The following CFDP1 variants were observed in gnomAD, a reference collection of about 807,000 sequenced individuals.
The protein encoded by CFDP1 is heterochromatin-stabilizing protein CFDP1.
In CFDP1, 31 loss-of-function variants were observed where a neutral mutation model predicts 40.1. That is an observed-to-expected ratio of 0.77 (90% CI 0.58 to 1.04). CFDP1 has a LOEUF of 1.04. Ranked by LOEUF, CFDP1 falls within the 50% of genes least tolerant of loss-of-function variation. The probability of loss-of-function intolerance (pLI) is 0.00; values close to 1 mark genes in which losing one functional copy is unlikely to be tolerated. For synonymous variants in CFDP1, 167 were observed against 120.0 expected, an observed-to-expected ratio of 1.39 and a Z score of -2.56; for missense variants, 423 against 343.4, an observed-to-expected ratio of 1.23 and a Z score of -1.83.
intron 1 of CFDP1, among the ~76,000 whole-genome samples, chr16:75,424,777 G>A (rs765638923): frequency 1.3e-5 from 2 of 149,802 alleles, no homozygotes; most frequent in African/African-American, 4.9e-5. Flanking sequence ...AAAAAAGATT[G>A]GGAAAAAGGC....
At chr16:75,327,762 C>G (rs189423803) in intron 5 of CFDP1, among the ~76,000 whole-genome samples, 173 of 152,260 alleles carry the variant, frequency 1.1e-3, no homozygotes, top group African/African-American at 3.8e-3. Flanking sequence ...TGACTCTTGT[C>G]GCCCAGGCTG....
intron 5 of CFDP1, chr16:75,306,682 C>T (rs1426692973): frequency 6.6e-6 from 1 of 152,160 alleles, no homozygotes; most frequent in Non-Finnish European, 1.5e-5. Flanking sequence ...GAAGATCTCT[C>T]CCAACTCTCA....
At chr16:75,394,008 T>C (rs776361389) in intron 5 of CFDP1, among the ~76,000 whole-genome samples, 17 of 151,880 alleles carry the variant, frequency 1.1e-4, no homozygotes, top group Non-Finnish European at 1.9e-4. Context: ...TGAGCCGAGA[T>C]TGCGCCACTG....
At position 75,376,938 on chromosome 16, in the gene CFDP1, A is replaced by C. The variant is rs1331151250; in HGVS notation, c.650+18152T>G. 4.6e-5 allele frequency among the ~76,000 whole-genome samples: 7 copies of C among 152,362 alleles called. No individual in the cohort carries two copies. In the East Asian group the frequency reaches 1.3e-3, roughly 29 times the overall value. ...TGCATGTAATTAAAAGTAGATATAAATATGACTGCAGAACTGCCCTGAGCT... is the reference window on the plus strand; with the variant it reads ...TGCATGTAATTAAAAGTAGATATAACTATGACTGCAGAACTGCCCTGAGCT... On this transcript the variant is annotated intron_variant, in intron 5 of 6. Coordinates refer to ENST00000283882, the MANE Select transcript of CFDP1 (RefSeq NM_006324.3).
intron 1 of CFDP1, among the ~76,000 whole-genome samples, chr16:75,429,076 C>A (rs2079377720): frequency 6.6e-6 from 1 of 151,322 alleles, no homozygotes; most frequent in Non-Finnish European, 1.5e-5. Context: ...TAGATGCCAC[C>A]ACTGCACTCT....
chr16:75,382,389 C>T (rs1040152543), intron 5 of CFDP1, among the ~76,000 whole-genome samples: 1 of 152,186 alleles, frequency 6.6e-6, no homozygotes, highest in Admixed American at 6.5e-5. Flanking sequence ...AAAATATATT[C>T]TATAAAGACA....
At chr16:75,410,713 C>T (rs2151583611) in intron 4 of CFDP1, among the ~76,000 whole-genome samples, 1 of 151,038 alleles carries the variant, frequency 6.6e-6, no homozygotes, top group South Asian at 2.1e-4. Context: ...TCGAGACCAT[C>T]CCGGCTAACA....
intron 1 of CFDP1, among the ~76,000 whole-genome samples, chr16:75,418,743 A>T (rs1300766444): frequency 2.0e-5 from 3 of 152,078 alleles, no homozygotes; most frequent in Non-Finnish European, 4.4e-5. Context: ...AAAAAAAAAA[A>T]AAAAAAAACT....
intron 6 of CFDP1, among the ~76,000 whole-genome samples, chr16:75,295,582 T>G (rs11641532): frequency 6.6e-6 from 1 of 152,138 alleles, no homozygotes; most frequent in East Asian, 1.9e-4. Flanking sequence ...TCTGGACTTA[T>G]GGTTTCAGCA....
chr16:75,393,547 A>C (rs963009537), intron 5 of CFDP1, among the ~76,000 whole-genome samples: 27 of 145,192 alleles, frequency 1.9e-4, no homozygotes, highest in East Asian at 1.3e-3. Context: ...CTGGCTAACA[A>C]GGTGAAACCC....
At chr16:75,411,487 G>A (rs1481995531) in intron 4 of CFDP1, among the ~76,000 whole-genome samples, 1 of 152,160 alleles carries the variant, frequency 6.6e-6, no homozygotes, top group African/African-American at 2.4e-5. Context: ...AGACTTCAAT[G>A]GGGCTCATAT....
At chr16:75,316,173 G>C (rs1379826482) in intron 5 of CFDP1, among the ~76,000 whole-genome samples, 1 of 152,174 alleles carries the variant, frequency 6.6e-6, no homozygotes. Flanking sequence ...CTAGTGTCAG[G>C]TCAGCCCATC....
chr16:75,393,870 T>C (rs1008020620), intron 5 of CFDP1, among the ~76,000 whole-genome samples: 2 of 150,836 alleles, frequency 1.3e-5, no homozygotes. Context: ...CCATCCTGGC[T>C]AACACAGTGA....
chr16:75,322,450 T>C (rs1181570061), intron 5 of CFDP1, among the ~76,000 whole-genome samples: 2 of 152,204 alleles, frequency 1.3e-5, no homozygotes, highest in African/African-American at 2.4e-5. Context: ...CTAGATAGTA[T>C]AGCCTACTAC....
chr16:75,404,878 G>A (rs1181416403), intron 4 of CFDP1, among the ~76,000 whole-genome samples: 3 of 152,184 alleles, frequency 2.0e-5, no homozygotes, highest in African/African-American at 7.2e-5. Context: ...ACAACGGATA[G>A]CGCGCTGGAC....
intron 1 of CFDP1, among the ~76,000 whole-genome samples, chr16:75,425,532 AAC>A (rs2079330458): frequency 6.6e-6 from 1 of 152,102 alleles, no homozygotes; most frequent in Non-Finnish European, 1.5e-5. Context: ...AAACTGTGGA[AAC>A]AGAGGCCCAG....
intron 5 of CFDP1, among the ~76,000 whole-genome samples, chr16:75,376,368 T>C (rs545395639): frequency 6.6e-6 from 1 of 152,206 alleles, no homozygotes; most frequent in Non-Finnish European, 1.5e-5. Flanking sequence ...GCAGGATAGA[T>C]GGATAAACTG....
chr16:75,352,362 T>C (rs2078618768), intron 5 of CFDP1, among the ~76,000 whole-genome samples: 1 of 150,416 alleles, frequency 6.6e-6, no homozygotes, highest in Admixed American at 6.6e-5. Context: ...ACAAAACAAA[T>C]TAAAAACCAA....
intron 5 of CFDP1, among the ~76,000 whole-genome samples, chr16:75,366,471 A>C (rs539423277): frequency 5.3e-4 from 81 of 152,264 alleles, no homozygotes; most frequent in African/African-American, 1.9e-3. Flanking sequence ...AAAAATGCAA[A>C]AATCAGCCGG....
Sources: gnomAD v4.1 joint callset for allele counts (sites outside exome capture counted in the v4.1 genomes callset) on GRCh38, gnomAD v4.1.1 for gene constraint, MANE v1.5 for transcripts, NCBI Gene and HGNC (gene_info 2026-07-23, HGNC 2026-07-21) for gene names.